AMPH: variants seen among roughly 807,000 people sequenced by gnomAD.
AMPH encodes amphiphysin (Stiff-Mann syndrome with breast cancer 128kD autoantigen).
A neutral mutation model predicts 99.1 loss-of-function variants in AMPH; 49 were observed. That is an observed-to-expected ratio of 0.49 (90% confidence interval 0.39 to 0.63). AMPH has a LOEUF of 0.63. AMPH is among the 20% of genes least tolerant of loss of function. The pLI is 0.00. For synonymous variants in AMPH, 314 were observed against 317.3 expected (o/e 0.99, Z 0.11); for missense variants, 759 against 863.4 (o/e 0.88, Z 1.52).
intron 17 of AMPH, among the ~76,000 whole-genome samples, chr7:38,397,112 C>G (rs1366889155): frequency 6.6e-6 from 1 of 152,236 alleles, no homozygotes; most frequent in Non-Finnish European, 1.5e-5. Flanking sequence ...ACTACACACA[C>G]ATGCAGCAGA....
At chr7:38,499,841 C>T (rs1170331583) in intron 3 of AMPH, among the ~76,000 whole-genome samples, 3 of 152,098 alleles carry the variant, frequency 2.0e-5, no homozygotes, top group South Asian at 2.1e-4. Flanking sequence ...GTGCTGTTCT[C>T]GTGATAGTGA....
At chr7:38,498,080 T>C (rs1169601314) in intron 3 of AMPH, among the ~76,000 whole-genome samples, 1 of 152,224 alleles carries the variant, frequency 6.6e-6, no homozygotes, top group Middle Eastern at 3.2e-3. Flanking sequence ...AAACAAACTC[T>C]TAATTTTCTT....
chr7:38,417,223 T>C (rs1785410666), intron 17 of AMPH, among the ~76,000 whole-genome samples: 1 of 152,172 alleles, frequency 6.6e-6, no homozygotes, highest in South Asian at 2.1e-4. Context: ...TATGGCTGCA[T>C]GGATTAGGGT....
intron 1 of AMPH, among the ~76,000 whole-genome samples, chr7:38,600,671 T>C (rs190038151): frequency 8.8e-4 from 134 of 152,332 alleles, no homozygotes; most frequent in African/African-American, 3.0e-3. Flanking sequence ...TTAAATGATA[T>C]GCTAAATATT....
intron 1 of AMPH, among the ~76,000 whole-genome samples, chr7:38,554,683 G>A (rs913782209): frequency 1.9e-4 from 29 of 152,266 alleles, no homozygotes; most frequent in Middle Eastern, 3.4e-3. Context: ...AAAATTTCCA[G>A]ACAAAATATA....
intron 5 of AMPH, among the ~76,000 whole-genome samples, chr7:38,479,507 C>A (rs1788212049): frequency 2.6e-5 from 4 of 151,932 alleles, no homozygotes. Context: ...TGTTTTCCTA[C>A]TTTTAATTGC....
intron 2 of AMPH, among the ~76,000 whole-genome samples, chr7:38,507,344 T>C (rs1789364491): frequency 6.6e-6 from 1 of 152,204 alleles, no homozygotes. Context: ...CTTTCTTCTT[T>C]TCCAATTATT....
intron 17 of AMPH, among the ~76,000 whole-genome samples, chr7:38,409,971 T>C (rs190282563): frequency 7.2e-5 from 11 of 152,376 alleles, no homozygotes; most frequent in African/African-American, 2.6e-4. Context: ...GTAAATACCA[T>C]GTATTGTTCT....
rs140041054 is a variant in AMPH at position 38,436,875 on chromosome 7, G to A, written c.1018-487C>T. 9.5e-4 allele frequency among the ~76,000 whole-genome samples: 145 copies of A among 152,176 alleles called. 1 individual carries two copies. In the East Asian group the frequency reaches 0.025, roughly 26 times the overall value. ...TGTGTACTGCTGACCACATCCCAAC[G>A]GCCTCATTCCCTCACTGGTACCCTA... On this transcript the variant is annotated intron_variant, in intron 11 of 20. Coordinates refer to ENST00000356264, the MANE Select transcript of AMPH (RefSeq NM_001635.4).
At chr7:38,574,264 AC>A (rs1792151667) in intron 1 of AMPH, among the ~76,000 whole-genome samples, 1 of 152,200 alleles carries the variant, frequency 6.6e-6, no homozygotes, top group Non-Finnish European at 1.5e-5. Context: ...TTCCCATTGC[AC>A]ACTTACAGAT....
chr7:38,434,981 T>C (rs1786204031), intron 12 of AMPH, among the ~76,000 whole-genome samples: 1 of 152,228 alleles, frequency 6.6e-6, no homozygotes, highest in Admixed American at 6.5e-5. Context: ...GTAGTTAACA[T>C]AGATTTCTGT....
At chr7:38,525,055 A>G (rs1790110643) in intron 2 of AMPH, among the ~76,000 whole-genome samples, 1 of 151,964 alleles carries the variant, frequency 6.6e-6, no homozygotes, top group South Asian at 2.1e-4. Flanking sequence ...TTTTCTAGGT[A>G]AGCCTATGAA....
In AMPH at chr7:38,467,304, T is replaced by G. The variant is rs114456632; in HGVS notation, c.591-1056A>C. On this transcript the variant is annotated intron_variant, in intron 7 of 20. Transcript: ENST00000356264. ...CAAAGGAGAACACTTGCACCTGTAT[T>G]TGAGGAAGCTAATTAAGGCAGCAGC... Among the ~76,000 whole-genome samples, 1,018 of 152,198 alleles carry G rather than the reference T, an allele frequency of 6.7e-3. 15 individuals are homozygous for G. Among genetic ancestry groups the G allele is most frequent in the African/African-American group, 0.024 (977 of 41,518 alleles).
chr7:38,488,641 C>T lies in AMPH; in HGVS notation c.396+2409G>A, dbSNP rs137937822. Among the ~76,000 whole-genome samples, 441 of 152,204 alleles carry T rather than the reference C, an allele frequency of 2.9e-3. 3 individuals are homozygous for T. The highest frequency in any genetic ancestry group is 0.01 in the African/African-American group (429 of 41,530). On this transcript the variant is annotated intron_variant, in intron 5 of 20. Transcript: ENST00000356264. ...CTATGTAACAAACCTGCACATTCTG[C>T]ACATGCATCCCAGAACTTAAAATAT...
chr7:38,615,994 C>T (rs1343122257), intron 1 of AMPH, among the ~76,000 whole-genome samples: 1 of 152,138 alleles, frequency 6.6e-6, no homozygotes, highest in Non-Finnish European at 1.5e-5. Context: ...CATATACATG[C>T]AGGGAATACC....
chr7:38,528,324 A>G (rs1343354332), intron 2 of AMPH, among the ~76,000 whole-genome samples: 1 of 152,036 alleles, frequency 6.6e-6, no homozygotes, highest in East Asian at 1.9e-4. Flanking sequence ...ATTGATATCA[A>G]TTCTTTAAAT....
At chr7:38,425,136 C>T (rs568471080) in intron 15 of AMPH, among the ~76,000 whole-genome samples, 16 of 152,174 alleles carry the variant, frequency 1.1e-4, no homozygotes, top group Admixed American at 2.6e-4. Context: ...TGTGCTCCAC[C>T]CAAATGAATG....
intron 14 of AMPH, chr7:38,429,171 A>G (rs1180818405): frequency 3.1e-6 from 4 of 1,289,754 alleles, no homozygotes; most frequent in East Asian, 5.5e-5. Context: ...AGCTGTGTCC[A>G]TGGCTGGCAT....
intron 1 of AMPH, 120 bp downstream of exon 1, chr7:38,631,163 G>C: frequency 2.2e-6 from 2 of 899,390 alleles, no homozygotes; most frequent in Non-Finnish European, 1.4e-6. Context: ...CCCTGGCCCC[G>C]GCCCCGCTCC....
Sources: allele counts gnomAD v4.1 joint callset (sites outside exome capture counted in the v4.1 genomes callset), GRCh38; gene constraint gnomAD v4.1.1; transcripts MANE v1.5; gene names NCBI Gene and HGNC (gene_info 2026-07-23, HGNC 2026-07-21).